The following COL6A5 variants were observed in gnomAD, a reference collection of about 807,000 sequenced individuals.
COL6A5 encodes collagen alpha-5(VI) chain.
COL6A5 carries 48 observed loss-of-function variants against 65.6 expected under a neutral mutation model. The ratio of observed to expected loss-of-function variants is 0.73; its 90% CI spans 0.58 to 0.93. The LOEUF (loss-of-function observed/expected upper bound fraction) is 0.93, where lower values mean the gene tolerates loss of function less well. Among genes scored for constraint, COL6A5 ranks in the 40% least tolerant of loss-of-function variants. COL6A5 has a pLI of 0.00. For missense variants in COL6A5, 914 were observed against 928.3 expected (o/e 0.98, Z 0.20); for synonymous variants, 291 against 322.8 (o/e 0.90, Z 1.05).
At chr3:130,475,655 ATGACTGGTGACCCAG>A (rs995471886) in intron 7 of COL6A5, among the ~76,000 whole-genome samples, 13 of 152,122 alleles carry the variant, frequency 8.5e-5, no homozygotes, top group African/African-American at 3.1e-4. Context: ...GTGAGGTCAA[ATGACTGGTGACCCAG>A]TGGGCAGGAG....
At chr3:130,453,928 G>A (rs1320812386) in intron 4 of COL6A5, among the ~76,000 whole-genome samples, 2 of 152,150 alleles carry the variant, frequency 1.3e-5, no homozygotes, top group African/African-American at 2.4e-5. Context: ...GCGTCTAGCA[G>A]CCAACACCTT....
At chr3:130,395,694 G>A (rs1441728477) in intron 8 of COL6A5, among the ~76,000 whole-genome samples, 2 of 152,188 alleles carry the variant, frequency 1.3e-5, no homozygotes, top group Admixed American at 6.5e-5. Context: ...GGACCCCTGG[G>A]CTGTGTCCTC....
intron 3 of COL6A5, among the ~76,000 whole-genome samples, chr3:130,378,591 G>A (rs1369133915): frequency 1.3e-5 from 2 of 151,980 alleles, no homozygotes; most frequent in African/African-American, 4.8e-5. Flanking sequence ...AGAAGATCTG[G>A]GCCCTGCTTC....
In COL6A5 at chr3:130,347,793, G is replaced by C. The variant is rs1577412821; in HGVS notation, c.-29+1812G>C. Among the ~76,000 whole-genome samples the C allele has an allele frequency of 3.3e-5, 5 of 152,274 alleles. No homozygotes were observed. The East Asian group carries it at 9.7e-4, about 29-fold the overall frequency. On this transcript the variant is annotated intron_variant and NMD_transcript_variant, in intron 1 of 41. Coordinates refer to the COL6A5 transcript ENST00000312481. ...TGGAATGTGTACTTTTCTTGGTATT[G>C]CAGTTTGCTTTGATGATGCCCCTGT...
chr3:130,354,088 AAG>A (rs201068948), intron 1 of COL6A5, among the ~76,000 whole-genome samples: 14 of 149,112 alleles, frequency 9.4e-5, no homozygotes, highest in Middle Eastern at 7.0e-3. Flanking sequence ...AGAACAAAAA[AAG>A]AAAAGAAGAA....
chr3:130,362,901 T>TA (rs1273713576), intron 1 of COL6A5, among the ~76,000 whole-genome samples: 2 of 152,224 alleles, frequency 1.3e-5, no homozygotes, highest in Non-Finnish European at 2.9e-5. Flanking sequence ...CAATTTCTTT[T>TA]AATCTACATT....
intron 3 of COL6A5, among the ~76,000 whole-genome samples, chr3:130,441,818 A>G (rs948058859): frequency 2.0e-5 from 3 of 152,220 alleles, no homozygotes; most frequent in Non-Finnish European, 2.9e-5. Context: ...TACATCCCCA[A>G]AAGTCAATAA....
In COL6A5 at chr3:130,469,481, C is replaced by T. The variant is rs199742927; in HGVS notation, c.2233C>T (p.Arg745Cys). The T allele has an allele frequency of 1.7e-4, 268 of 1,604,546 alleles. No individual in the cohort carries two copies. The African/African-American group carries it at 2.7e-3, about 16-fold the overall frequency. The change falls in exon 6 of 8, where the codon CGT becomes TGT. Residue 745 changes from arginine (R) to cysteine (C), a missense_variant and splice_region_variant. Arg to Cys is a radical substitution (Grantham distance 180, BLOSUM62 -3). Transcript: ENST00000512836. ...CAAGCCATTTGTCCATTTAATCAGACGTAAGTCATTAATTCTCTTTGATTG... is the reference window on the plus strand; with the variant it reads ...CAAGCCATTTGTCCATTTAATCAGATGTAAGTCATTAATTCTCTTTGATTG...
chr3:130,484,361 A>G (rs2107631806), exon 8 of COL6A5: 1 of 404,044 alleles, frequency 2.5e-6, no homozygotes, highest in South Asian at 1.2e-4. Context: ...ATCAATTTTG[A>G]TGATGTATCT....
exon 7 of COL6A5, chr3:130,391,244 C>T: frequency 6.4e-7 from 1 of 1,551,554 alleles, no homozygotes; most frequent in Non-Finnish European, 8.7e-7. Flanking sequence ...CATAAAAAAA[C>T]AATATCAAGA....
intron 2 of COL6A5, among the ~76,000 whole-genome samples, chr3:130,439,862 T>C (rs1003424160): frequency 6.6e-6 from 1 of 152,144 alleles, no homozygotes; most frequent in Non-Finnish European, 1.5e-5. Flanking sequence ...TTGGGTAGTT[T>C]GTATCAGAAG....
At chr3:130,429,617 G>T, upstream of COL6A5, 1 of 1,530,030 alleles carries the variant, frequency 6.5e-7, no homozygotes, top group Middle Eastern at 1.7e-4. Context: ...TCCCTGCTGA[G>T]ATCATTACTG....
intron 1 of COL6A5, among the ~76,000 whole-genome samples, chr3:130,348,595 A>G (rs984468447): frequency 2.6e-5 from 4 of 152,050 alleles, no homozygotes; most frequent in African/African-American, 7.2e-5. Flanking sequence ...GTGTGCATGT[A>G]TCTTTATAGT....
intron 1 of COL6A5, 109 bp from the exon 34 acceptor site, chr3:130,439,413 C>A: frequency 9.7e-6 from 6 of 620,924 alleles, no homozygotes; most frequent in African/African-American, 1.9e-5. Flanking sequence ...AGCTATAATG[C>A]AAGGTAATAG....
chr3:130,355,847 A>G (rs1314046038), intron 1 of COL6A5, among the ~76,000 whole-genome samples: 5 of 152,078 alleles, frequency 3.3e-5, no homozygotes, highest in Non-Finnish European at 7.4e-5. Context: ...AAGGAATCAC[A>G]GATCTGATCA....
At chr3:130,456,067 TCA>T in intron 5 of COL6A5, among the ~76,000 whole-genome samples, 1 of 152,204 alleles carries the variant, frequency 6.6e-6, no homozygotes, top group Non-Finnish European at 1.5e-5. Context: ...TGGTCTTGGC[TCA>T]CCGCAACCTC....
At chr3:130,415,061 T>G (rs112681292) in intron 22 of COL6A5, among the ~76,000 whole-genome samples, 3 of 152,208 alleles carry the variant, frequency 2.0e-5, no homozygotes, top group Admixed American at 6.5e-5. Context: ...GAATCAAGGC[T>G]CACCTGATGG....
chr3:130,397,705 A>C (rs1487015583), exon 9 of COL6A5: 1 of 1,549,902 alleles, frequency 6.5e-7, no homozygotes, highest in Admixed American at 2.0e-5. Context: ...CATCAGCTCT[A>C]TCAAGGGGGT....
intron 24 of COL6A5, among the ~76,000 whole-genome samples, chr3:130,417,196 C>G (rs4688799): frequency 0.78 from 117,914 of 151,918 alleles, 47,996 homozygotes; most frequent in Non-Finnish European, 0.91. Context: ...TTGGTTTTCT[C>G]TTCCTGTGTT....
Sources: allele counts gnomAD v4.1 joint callset (sites outside exome capture counted in the v4.1 genomes callset), GRCh38; gene constraint gnomAD v4.1.1; transcripts MANE v1.5; gene names NCBI Gene and HGNC (gene_info 2026-07-23, HGNC 2026-07-21).